The following LIMD1 variants were observed in gnomAD, a reference collection of about 807,000 sequenced individuals.
The protein encoded by LIMD1 is LIM domain-containing protein 1.
A neutral mutation model predicts 58.4 loss-of-function variants in LIMD1; 23 were observed. The ratio of observed to expected loss-of-function variants is 0.39; its 90% CI spans 0.28 to 0.56. The LOEUF is 0.56. Ranked by LOEUF, LIMD1 falls within the 20% of genes least tolerant of loss-of-function variation. The probability of loss-of-function intolerance (pLI) is 0.57; values close to 1 mark genes in which losing one functional copy is unlikely to be tolerated. For missense variants in LIMD1, 838 were observed against 855.5 expected (o/e 0.98, Z 0.25); for synonymous variants, 334 against 345.5 (o/e 0.97, Z 0.37).
At chr3:45,628,761 T>C (rs1456245038) in intron 1 of LIMD1, among the ~76,000 whole-genome samples, 2 of 152,222 alleles carry the variant, frequency 1.3e-5, no homozygotes, top group South Asian at 2.1e-4. Context: ...AAACAACTTA[T>C]GTGCATCAAC....
At chr3:45,597,969 TTTTA>T (rs895187191) in intron 1 of LIMD1, among the ~76,000 whole-genome samples, 4 of 152,146 alleles carry the variant, frequency 2.6e-5, no homozygotes, top group Non-Finnish European at 4.4e-5. Flanking sequence ...TTAAATTTAT[TTTTA>T]TTTATTTATT....
intron 1 of LIMD1, chr3:45,634,974 A>T (rs1701771431): frequency 6.6e-6 from 1 of 152,290 alleles, no homozygotes; most frequent in Non-Finnish European, 1.5e-5. Flanking sequence ...GCGGTGGCTC[A>T]TGCCTGTCAT....
intron 2 of LIMD1, among the ~76,000 whole-genome samples, chr3:45,657,995 G>A (rs564079790): frequency 6.6e-6 from 1 of 152,224 alleles, no homozygotes; most frequent in East Asian, 1.9e-4. Context: ...AGTTTCTTCC[G>A]TAAAAGGCAT....
intron 5 of LIMD1, 34 bp downstream of exon 5, chr3:45,672,854 G>A (rs766522369): frequency 1.3e-5 from 21 of 1,610,826 alleles, no homozygotes; most frequent in East Asian, 2.2e-5. Context: ...GGACCCATTC[G>A]TGTAGGCCAA....
At chr3:45,625,780 C>T (rs1432590421) in intron 1 of LIMD1, among the ~76,000 whole-genome samples, 5 of 152,170 alleles carry the variant, frequency 3.3e-5, no homozygotes, top group East Asian at 1.9e-4. Flanking sequence ...TTGGCAGATA[C>T]GGGCCCTTCA....
intron 6 of LIMD1, chr3:45,673,805 G>A (rs1258154586): frequency 7.4e-6 from 3 of 404,414 alleles, no homozygotes; most frequent in Non-Finnish European, 1.4e-5. Context: ...AGTCCTAGCT[G>A]CTTGAGCCCA....
At chr3:45,618,025 ATTCTGGTTCCC>A (rs1254527048) in intron 1 of LIMD1, among the ~76,000 whole-genome samples, 1 of 152,138 alleles carries the variant, frequency 6.6e-6, no homozygotes, top group African/African-American at 2.4e-5. Flanking sequence ...AAGGATTTTC[ATTCTGGTTCCC>A]TTCTGGTTCC....
intron 2 of LIMD1, among the ~76,000 whole-genome samples, chr3:45,655,804 T>A (rs1702021774): frequency 6.6e-6 from 1 of 152,146 alleles, no homozygotes; most frequent in Non-Finnish European, 1.5e-5. Flanking sequence ...TAGTGTTACG[T>A]CTCTACGTAT....
intron 4 of LIMD1, among the ~76,000 whole-genome samples, chr3:45,671,903 G>A (rs1350734499): frequency 2.6e-5 from 4 of 152,118 alleles, no homozygotes; most frequent in Admixed American, 6.6e-5. Context: ...AGTTACTTAC[G>A]GACCTCACCA....
At chr3:45,632,576 G>C (rs1701746127) in intron 1 of LIMD1, 1 of 981,124 alleles carries the variant, frequency 1.0e-6, no homozygotes, top group African/African-American at 1.8e-5. Context: ...AAAGAGGAAA[G>C]GACTGTGCAG....
chr3:45,666,403 C>T (rs946585586), intron 3 of LIMD1, among the ~76,000 whole-genome samples: 1 of 152,284 alleles, frequency 6.6e-6, no homozygotes, highest in East Asian at 1.9e-4. Flanking sequence ...ATCAAGAGGC[C>T]TTATAGGGCA....
intron 1 of LIMD1, among the ~76,000 whole-genome samples, chr3:45,613,796 T>C (rs561015664): frequency 1.3e-4 from 20 of 152,254 alleles, no homozygotes; most frequent in Non-Finnish European, 2.4e-4. Context: ...CTGCACCTTA[T>C]ATGTACAAGT....
chr3:45,622,915 G>A (rs946725515), intron 1 of LIMD1, among the ~76,000 whole-genome samples: 4 of 152,070 alleles, frequency 2.6e-5, no homozygotes, highest in Admixed American at 6.5e-5. Flanking sequence ...TGATGATCCC[G>A]CCTTGGCCTC....
chr3:45,607,450 C>A (rs527601563), intron 1 of LIMD1, among the ~76,000 whole-genome samples: 1 of 152,166 alleles, frequency 6.6e-6, no homozygotes, highest in East Asian at 1.9e-4. Context: ...GTCGCTGTGT[C>A]CCCGGGGAGT....
At position 45,677,140 on chromosome 3, in the gene LIMD1, A is replaced by AG; in HGVS notation, c.*82dup. The stretch of plus-strand genomic sequence containing the variant: ...TGCTTCCGGTGGCCCCTGGGGTGGA[A>AG]GTGGGGTAGGGGAAGAGGAGGGGCA... On this transcript the variant is annotated 3_prime_UTR_variant, in exon 8 of 8. Transcript: ENST00000273317. The AG allele has an allele frequency of 6.5e-7, 1 of 1,528,016 alleles. No homozygotes were observed. Among genetic ancestry groups the AG allele is most frequent in the Admixed American group, 1.7e-5 (1 of 58,272 alleles). The allele number at this position is 1,528,016 out of a possible 1,614,324, so 94.7% of individuals were successfully genotyped here.
chr3:45,653,124 G>A (rs533017321), intron 2 of LIMD1, among the ~76,000 whole-genome samples: 2 of 152,090 alleles, frequency 1.3e-5, no homozygotes, highest in Non-Finnish European at 2.9e-5. Context: ...CTATATTATT[G>A]TATTTTACAA....
chr3:45,596,339 G>C (rs1701351192), intron 1 of LIMD1, 52 bp downstream of exon 1: 1 of 1,402,110 alleles, frequency 7.1e-7, no homozygotes, highest in African/African-American at 1.4e-5. Flanking sequence ...GGGTTCTTGA[G>C]ATTGGGGAAC....
intron 1 of LIMD1, among the ~76,000 whole-genome samples, chr3:45,627,829 G>A (rs533923173): frequency 4.6e-5 from 7 of 151,654 alleles, no homozygotes; most frequent in South Asian, 2.1e-4. Flanking sequence ...CCAACATGGC[G>A]AAACACCATC....
intron 1 of LIMD1, among the ~76,000 whole-genome samples, chr3:45,612,068 G>GTGCT (rs1553643062): frequency 9.0e-4 from 80 of 89,312 alleles, no homozygotes; most frequent in Non-Finnish European, 1.9e-3. Flanking sequence ...TTGCAGGTGC[G>GTGCT]CGCTCTCTCT....
Sources: gnomAD v4.1 joint callset for allele counts (sites outside exome capture counted in the v4.1 genomes callset) on GRCh38, gnomAD v4.1.1 for gene constraint, MANE v1.5 for transcripts, NCBI Gene and HGNC (gene_info 2026-07-23, HGNC 2026-07-21) for gene names.